The following MAN1A2 variants were observed in gnomAD, a reference collection of about 807,000 sequenced individuals.
MAN1A2 encodes the protein mannosidase alpha class 1A member 2, also known as mannosyl-oligosaccharide 1,2-alpha-mannosidase IB.
A neutral mutation model predicts 75.7 loss-of-function variants in MAN1A2; 26 were observed. The observed-to-expected ratio is 0.34, with a 90% CI of 0.25 to 0.48. The LOEUF (loss-of-function observed/expected upper bound fraction) is 0.48. Ranked by LOEUF, MAN1A2 falls within the 20% of genes least tolerant of loss-of-function variation. MAN1A2 has a pLI of 0.99. For synonymous variants in MAN1A2, 247 were observed against 264.6 expected, an observed-to-expected ratio of 0.93 and a Z score of 0.65; for missense variants, 562 against 775.5, an observed-to-expected ratio of 0.72 and a Z score of 3.27.
chr1:117,457,833 A>G (rs1649653544), intron 6 of MAN1A2, among the ~76,000 whole-genome samples: 1 of 152,182 alleles, frequency 6.6e-6, no homozygotes, highest in African/African-American at 2.4e-5. Flanking sequence ...AAATTATTTC[A>G]TAGTCCAGAT....
chr1:117,480,204 G>T (rs1650450764), intron 8 of MAN1A2, among the ~76,000 whole-genome samples: 1 of 151,768 alleles, frequency 6.6e-6, no homozygotes, highest in South Asian at 2.1e-4. Flanking sequence ...CTCTTTCTTT[G>T]CACATTTGTT....
chr1:117,407,310 C>G, intron 3 of MAN1A2, among the ~76,000 whole-genome samples: 1 of 151,892 alleles, frequency 6.6e-6, no homozygotes, highest in Non-Finnish European at 1.5e-5. Context: ...ACTTTGTTTC[C>G]TACTTACTCT....
intron 1 of MAN1A2, among the ~76,000 whole-genome samples, chr1:117,379,521 C>T (rs1557925990): frequency 6.6e-6 from 1 of 152,056 alleles, no homozygotes; most frequent in African/African-American, 2.4e-5. Flanking sequence ...AAAGTGAGCA[C>T]TTAGTAGTAT....
chr1:117,480,968 C>T (rs1164798060), intron 8 of MAN1A2, among the ~76,000 whole-genome samples: 1 of 151,820 alleles, frequency 6.6e-6, no homozygotes, highest in South Asian at 2.1e-4. Flanking sequence ...CAACCCCACC[C>T]AGATGACCTA....
At chr1:117,498,248 A>C (rs2101878355) in intron 10 of MAN1A2, among the ~76,000 whole-genome samples, 1 of 151,972 alleles carries the variant, frequency 6.6e-6, no homozygotes, top group East Asian at 1.9e-4. Context: ...AAAATTAGTA[A>C]AACATTGAGG....
At chr1:117,503,439 C>G (rs1221038196) in intron 12 of MAN1A2, among the ~76,000 whole-genome samples, 1 of 151,496 alleles carries the variant, frequency 6.6e-6, no homozygotes, top group African/African-American at 2.4e-5. Context: ...CATAGCCACT[C>G]ATCCACCCGA....
At chr1:117,513,450 G>C (rs1651608054) in intron 12 of MAN1A2, among the ~76,000 whole-genome samples, 1 of 151,672 alleles carries the variant, frequency 6.6e-6, no homozygotes, top group Admixed American at 6.6e-5. Context: ...GCTCTTGTTT[G>C]GATATACCAC....
intron 8 of MAN1A2, among the ~76,000 whole-genome samples, chr1:117,474,735 G>A (rs1650264057): frequency 6.6e-6 from 1 of 151,836 alleles, no homozygotes; most frequent in Non-Finnish European, 1.5e-5. Context: ...TATTTAAAAT[G>A]TACAACTTGG....
chr1:117,384,482 T>C (rs1461429643), intron 1 of MAN1A2, among the ~76,000 whole-genome samples: 1 of 152,142 alleles, frequency 6.6e-6, no homozygotes, highest in Non-Finnish European at 1.5e-5. Context: ...TGATTTAATA[T>C]CTTTAAATTT....
At chr1:117,372,052 T>G (rs1336459867) in intron 1 of MAN1A2, among the ~76,000 whole-genome samples, 1 of 152,180 alleles carries the variant, frequency 6.6e-6, no homozygotes, top group Non-Finnish European at 1.5e-5. Context: ...AATATTTTGG[T>G]TTTTATCATA....
chr1:117,375,259 A>G (rs1163773711), intron 1 of MAN1A2, among the ~76,000 whole-genome samples: 1 of 152,184 alleles, frequency 6.6e-6, no homozygotes, highest in South Asian at 2.1e-4. Context: ...ATTTAAGGCT[A>G]TAATTTCCTT....
chr1:117,414,688 A>G (rs771454519), intron 3 of MAN1A2, 25 bp from the exon 4 acceptor site: 1 of 1,217,494 alleles, frequency 8.2e-7, no homozygotes, highest in Non-Finnish European at 1.2e-6. Context: ...CTTTTTAATG[A>G]TAATTTTTTT....
intron 8 of MAN1A2, among the ~76,000 whole-genome samples, chr1:117,477,627 G>A (rs1004322829): frequency 6.6e-6 from 1 of 151,936 alleles, no homozygotes; most frequent in Non-Finnish European, 1.5e-5. Context: ...AGATAATGAT[G>A]GAATGTATCT....
intron 9 of MAN1A2, chr1:117,495,013 T>C (rs1320354645): frequency 6.6e-6 from 1 of 151,836 alleles, no homozygotes; most frequent in African/African-American, 2.4e-5. Flanking sequence ...TGTTTTCTTG[T>C]AATTTTCTTT....
Position 117,528,289 on chromosome 1 carries a change from G to A in MAN1A2, c.*5332G>A, listed in dbSNP as rs1352161740. ...AATTTTATCAAATATTTCACTATTT[G>A]GGGAAATTTTAGAGGAGGGGAAGCC... On this transcript the variant is annotated 3_prime_UTR_variant, in exon 13 of 13. Coordinates refer to ENST00000356554, the MANE Select transcript of MAN1A2 (RefSeq NM_006699.5). 2 of 151,928 alleles carry A rather than the reference G, an allele frequency of 1.3e-5. No individual in the cohort carries two copies. The highest frequency in any genetic ancestry group is 4.8e-5 in the African/African-American group (2 of 41,396). The allele number at this position is 151,928 out of a possible 1,614,324, so 9.4% of individuals were successfully genotyped here. A position where few individuals can be genotyped will look rare whatever the true frequency, so the allele number is the denominator to read the frequency against.
At chr1:117,507,708 A>G (rs943207700) in intron 12 of MAN1A2, among the ~76,000 whole-genome samples, 2 of 151,720 alleles carry the variant, frequency 1.3e-5, no homozygotes, top group African/African-American at 4.8e-5. Context: ...TCATGTAAGA[A>G]AGAAAAGCCA....
intron 5 of MAN1A2, among the ~76,000 whole-genome samples, chr1:117,427,067 A>G (rs1286939760): frequency 1.3e-5 from 2 of 152,208 alleles, no homozygotes; most frequent in African/African-American, 4.8e-5. Flanking sequence ...AAGATATAAC[A>G]GAATCAGCTT....
chr1:117,478,242 C>CTGA (rs1650382675), intron 8 of MAN1A2, among the ~76,000 whole-genome samples: 1 of 151,864 alleles, frequency 6.6e-6, no homozygotes, highest in Admixed American at 6.6e-5. Flanking sequence ...GATGAATTAT[C>CTGA]TGATCAAATC....
At chr1:117,448,163 T>C (rs1403112712) in intron 6 of MAN1A2, among the ~76,000 whole-genome samples, 1 of 152,144 alleles carries the variant, frequency 6.6e-6, no homozygotes, top group Non-Finnish European at 1.5e-5. Flanking sequence ...TTCCTGAATA[T>C]TTTATTCTCC....
Sources: allele counts gnomAD v4.1 joint callset (sites outside exome capture counted in the v4.1 genomes callset), GRCh38; gene constraint gnomAD v4.1.1; transcripts MANE v1.5; gene names NCBI Gene and HGNC (gene_info 2026-07-23, HGNC 2026-07-21).